DOCK3: variants seen among roughly 807,000 people sequenced by gnomAD.
The protein encoded by DOCK3 is dedicator of cytokinesis protein 3.
Under a neutral mutation model 265.6 loss-of-function variants are expected in DOCK3, and 60 were observed. The observed-to-expected ratio is 0.23, with a 90% CI of 0.18 to 0.28. The LOEUF (loss-of-function observed/expected upper bound fraction) is 0.28, where lower values mean the gene tolerates loss of function less well. DOCK3 is among the 10% of genes least tolerant of loss of function. The pLI, the probability that DOCK3 is intolerant of heterozygous loss-of-function variation, is 1.00. For missense variants in DOCK3, 1,981 were observed against 2,594.3 expected (o/e 0.76, Z 5.14); for synonymous variants, 881 against 938.0 (o/e 0.94, Z 1.11).
chr3:51,021,355 A>G lies in DOCK3; in HGVS notation c.316-43093A>G, dbSNP rs1354748856. On this transcript the variant is annotated intron_variant, in intron 5 of 52. Coordinates refer to ENST00000266037, the MANE Select transcript of DOCK3 (RefSeq NM_004947.5). Reference sequence around the variant, plus strand: ...AGAGAGAAAGGCCAGGTCTCCTACAAAGGGAAACCCCATCAGACTAACAGT... The same window carrying G: ...AGAGAGAAAGGCCAGGTCTCCTACAGAGGGAAACCCCATCAGACTAACAGT... 2.0e-5 allele frequency among the ~76,000 whole-genome samples: 3 copies of G among 152,222 alleles called. 1 individual carries two copies. The highest frequency in any genetic ancestry group is 7.2e-5 in the African/African-American group (3 of 41,452).
At chr3:51,200,746 A>G (rs1402594682) in intron 12 of DOCK3, among the ~76,000 whole-genome samples, 1 of 148,028 alleles carries the variant, frequency 6.8e-6, no homozygotes, top group South Asian at 2.2e-4. Flanking sequence ...GTTGAAATGA[A>G]GGAAAAAATG....
At chr3:50,769,709 G>A (rs769048760) in intron 1 of DOCK3, among the ~76,000 whole-genome samples, 4 of 151,592 alleles carry the variant, frequency 2.6e-5, no homozygotes, top group Non-Finnish European at 5.9e-5. Flanking sequence ...CTACTTGGGA[G>A]GCTGAGACAG....
At chr3:51,156,329 G>C (rs2085849243) in intron 10 of DOCK3, among the ~76,000 whole-genome samples, 2 of 152,256 alleles carry the variant, frequency 1.3e-5, no homozygotes, top group South Asian at 4.1e-4. Context: ...CAGCTTCCTA[G>C]TTAAGTAGGA....
chr3:50,924,701 C>T (rs1488428574), intron 4 of DOCK3, among the ~76,000 whole-genome samples: 1 of 152,194 alleles, frequency 6.6e-6, no homozygotes, highest in Non-Finnish European at 1.5e-5. Context: ...CCCACTGCTA[C>T]CGGTCAGTTC....
At chr3:51,159,949 C>A (rs1441740824) in intron 11 of DOCK3, among the ~76,000 whole-genome samples, 1 of 152,068 alleles carries the variant, frequency 6.6e-6, no homozygotes, top group Admixed American at 6.5e-5. Context: ...TTTTTTAATC[C>A]CTTGCCAACA....
chr3:51,335,901 C>T (rs1229410082), intron 35 of DOCK3, among the ~76,000 whole-genome samples: 4 of 150,298 alleles, frequency 2.7e-5, no homozygotes, highest in Non-Finnish European at 4.4e-5. Flanking sequence ...CTGAGGTGGG[C>T]GAATCACTTT....
intron 9 of DOCK3, among the ~76,000 whole-genome samples, chr3:51,121,491 C>T (rs2084016097): frequency 6.6e-6 from 1 of 152,118 alleles, no homozygotes; most frequent in South Asian, 2.1e-4. Flanking sequence ...AAAGAGTTGG[C>T]AGAGAAGGGG....
At chr3:50,878,407 A>G (rs1248075689) in intron 3 of DOCK3, among the ~76,000 whole-genome samples, 1 of 152,238 alleles carries the variant, frequency 6.6e-6, no homozygotes, top group Non-Finnish European at 1.5e-5. Context: ...GTGGCTAACT[A>G]GAATAAACAG....
chr3:51,227,400 C>A lies in DOCK3; in HGVS notation c.1495C>A (p.Arg499=). ...TATCAAATTGCCTATCCCCATTGAC[C>A]GGTTCCGGGGCTCCCACCTGCGCTT... ...EIIKLPIPID[R]FRGSHLRFEF... is the part of the protein sequence containing the mutation. The change falls in exon 16 of 53, where the codon CGG becomes AGG. Residue 499 remains arginine (R), a synonymous_variant. Coordinates refer to ENST00000266037, the MANE Select transcript of DOCK3 (RefSeq NM_004947.5). 1.9e-6 allele frequency: 3 copies of A among 1,613,848 alleles called. No homozygotes were observed. The highest frequency in any genetic ancestry group is 2.5e-6 in the Non-Finnish European group (3 of 1,179,806).
intron 12 of DOCK3, among the ~76,000 whole-genome samples, chr3:51,167,696 T>C (rs1006262023): frequency 6.6e-6 from 1 of 152,216 alleles, no homozygotes; most frequent in Admixed American, 6.5e-5. Flanking sequence ...AAATATTATA[T>C]ATTTTTGATG....
chr3:51,360,951 C>T (rs930575392), intron 47 of DOCK3, among the ~76,000 whole-genome samples: 1 of 152,084 alleles, frequency 6.6e-6, no homozygotes, highest in Non-Finnish European at 1.5e-5. Flanking sequence ...CATGCAGAAG[C>T]CTCAAGATAT....
chr3:51,366,548 T>C (rs1324937114), intron 49 of DOCK3, among the ~76,000 whole-genome samples: 1 of 152,198 alleles, frequency 6.6e-6, no homozygotes, highest in Non-Finnish European at 1.5e-5. Context: ...ATGTGTTTGC[T>C]CTTGCTTCTC....
rs531648319 is a variant in DOCK3 at position 50,870,553 on chromosome 3, C to T, written c.163-19473C>T. Among the ~76,000 whole-genome samples, 15 of 152,086 alleles carry T rather than the reference C, an allele frequency of 9.9e-5. No homozygotes were observed. The East Asian group carries it at 1.5e-3, about 16-fold the overall frequency. On this transcript the variant is annotated intron_variant, in intron 3 of 52. Transcript: ENST00000266037. ...AAAAAATCATTGGGTTTTGCGTTTT[C>T]GTTTATTCAACTGTGCTATATCTTT...
chr3:51,261,915 C>T (rs188469096), intron 23 of DOCK3, among the ~76,000 whole-genome samples: 1 of 152,306 alleles, frequency 6.6e-6, no homozygotes, highest in East Asian at 1.9e-4. Context: ...CAGGCCCAGT[C>T]AGGGGCTTCT....
chr3:51,285,738 A>G (rs995286341), intron 27 of DOCK3, among the ~76,000 whole-genome samples: 1 of 152,004 alleles, frequency 6.6e-6, no homozygotes, highest in Non-Finnish European at 1.5e-5. Flanking sequence ...TTTGAGACCT[A>G]TCTGGCCAAC....
At chr3:50,916,121 C>T (rs1437967946) in intron 4 of DOCK3, among the ~76,000 whole-genome samples, 1 of 152,042 alleles carries the variant, frequency 6.6e-6, no homozygotes. Flanking sequence ...TCGGCTCCTT[C>T]TCTGGGGAAA....
intron 2 of DOCK3, among the ~76,000 whole-genome samples, chr3:50,804,473 C>A: frequency 6.6e-6 from 1 of 152,174 alleles, no homozygotes. Flanking sequence ...GAGCAAGACT[C>A]CGTCTGCAAT....
chr3:50,725,221 C>G (rs1050890504), intron 1 of DOCK3, among the ~76,000 whole-genome samples: 1 of 151,942 alleles, frequency 6.6e-6, no homozygotes, highest in African/African-American at 2.4e-5. Flanking sequence ...ACAAATATGA[C>G]AATAAGAGCA....
At position 50,931,038 on chromosome 3, in the gene DOCK3, C is replaced by T. The variant is rs2051039048; in HGVS notation, c.219-2943C>T. On this transcript the variant is annotated intron_variant, in intron 4 of 52. Transcript: ENST00000266037. ...CGGCTGTGTAAGGGTGACGGCGGTGCAGTCAGCTGTCTCCTGGAGGTAGGG... is the reference window on the plus strand; with the variant it reads ...CGGCTGTGTAAGGGTGACGGCGGTGTAGTCAGCTGTCTCCTGGAGGTAGGG... Among the ~76,000 whole-genome samples the T allele has an allele frequency of 1.3e-5, 2 of 152,156 alleles. 1 individual carries two copies. Among genetic ancestry groups the T allele is most frequent in the South Asian group, 4.1e-4 (2 of 4,830 alleles).
Sources: allele counts gnomAD v4.1 joint callset (sites outside exome capture counted in the v4.1 genomes callset), GRCh38; gene constraint gnomAD v4.1.1; transcripts MANE v1.5; gene names NCBI Gene and HGNC (gene_info 2026-07-23, HGNC 2026-07-21).